QTMAN: variants seen among roughly 807,000 people sequenced by gnomAD.
The protein encoded by QTMAN is queuosine-tRNA mannosyltransferase, also known as tRNA-queuosine alpha-mannosyltransferase.
chr2:143,958,004 A>G, the QTMAN span, among the ~76,000 whole-genome samples: 1 of 152,156 alleles, frequency 6.6e-6, no homozygotes, highest in Non-Finnish European at 1.5e-5. Context: ...ATGAAAATAA[A>G]TGCACCAGTA....
chr2:144,298,293 C>T, the QTMAN span, among the ~76,000 whole-genome samples: 1 of 152,198 alleles, frequency 6.6e-6, no homozygotes, highest in South Asian at 2.1e-4. Context: ...GCTGGATTTA[C>T]AGGCGTGAGC....
the QTMAN span, among the ~76,000 whole-genome samples, chr2:144,098,955 C>A: frequency 1.3e-5 from 2 of 152,054 alleles, no homozygotes; most frequent in East Asian, 3.9e-4. Flanking sequence ...TGCTTGCTCC[C>A]TAATAATATT....
At chr2:144,275,215 TC>T in the QTMAN span, among the ~76,000 whole-genome samples, 2 of 151,938 alleles carry the variant, frequency 1.3e-5, no homozygotes, top group African/African-American at 4.8e-5. Flanking sequence ...AAACCCTGTC[TC>T]TACTAAAAAT....
the QTMAN span, chr2:144,007,561 A>G: frequency 7.0e-7 from 1 of 1,431,562 alleles, no homozygotes. Context: ...AATGCAATAT[A>G]CTTTTAGTGG....
chr2:144,045,596 T>C, the QTMAN span, among the ~76,000 whole-genome samples: 1 of 151,550 alleles, frequency 6.6e-6, no homozygotes. Context: ...AGTTTGGGGG[T>C]TGGGGGAATA....
the QTMAN span, among the ~76,000 whole-genome samples, chr2:144,048,401 T>A: frequency 1.6e-4 from 24 of 152,298 alleles, no homozygotes; most frequent in African/African-American, 5.5e-4. Flanking sequence ...TTTACTGAGA[T>A]CATACTACAA....
At chr2:144,009,774 ACTT>A in the QTMAN span, among the ~76,000 whole-genome samples, 1 of 152,112 alleles carries the variant, frequency 6.6e-6, no homozygotes, top group Non-Finnish European at 1.5e-5. Context: ...GAACCAATCA[ACTT>A]CTTCTGGAAA....
chr2:144,152,907 T>C, the QTMAN span, among the ~76,000 whole-genome samples: 1 of 152,098 alleles, frequency 6.6e-6, no homozygotes, highest in Admixed American at 6.5e-5. Flanking sequence ...CAAAGCAGTG[T>C]GAGATTGATT....
chr2:144,267,797 T>C, the QTMAN span, among the ~76,000 whole-genome samples: 16 of 152,310 alleles, frequency 1.1e-4, 1 homozygote, highest in South Asian at 1.0e-3. Context: ...TTAGCCCTAA[T>C]AGCGATCTAA....
the QTMAN span, among the ~76,000 whole-genome samples, chr2:144,213,207 C>T: frequency 2.0e-5 from 3 of 152,248 alleles, no homozygotes; most frequent in South Asian, 6.2e-4. Context: ...CTTTTTGTCA[C>T]TGTACCTGCA....
chr2:144,234,874 T>A, the QTMAN span, among the ~76,000 whole-genome samples: 1 of 152,138 alleles, frequency 6.6e-6, no homozygotes. Flanking sequence ...GTGAGAACAG[T>A]GGGCAAACTT....
At chr2:144,220,673 T>C in the QTMAN span, among the ~76,000 whole-genome samples, 3 of 152,198 alleles carry the variant, frequency 2.0e-5, no homozygotes, top group African/African-American at 7.2e-5. Flanking sequence ...TAATTCCCCC[T>C]TGCATCTCTC....
the QTMAN span, among the ~76,000 whole-genome samples, chr2:144,250,017 A>C: frequency 6.6e-6 from 1 of 152,182 alleles, no homozygotes; most frequent in African/African-American, 2.4e-5. Flanking sequence ...TCAAGAGGAC[A>C]CAAGAGATCT....
chr2:144,222,954 A>G, the QTMAN span, among the ~76,000 whole-genome samples: 1 of 152,224 alleles, frequency 6.6e-6, no homozygotes, highest in African/African-American at 2.4e-5. Context: ...AACCACTCAG[A>G]TTTGTCCTAT....
At chr2:144,034,290 C>T in the QTMAN span, among the ~76,000 whole-genome samples, 1 of 152,152 alleles carries the variant, frequency 6.6e-6, no homozygotes, top group Non-Finnish European at 1.5e-5. Flanking sequence ...TAATAGCCAC[C>T]ACCAGGAAAG....
the QTMAN span, among the ~76,000 whole-genome samples, chr2:143,973,677 TACAC>T: frequency 2.0e-5 from 3 of 151,408 alleles, no homozygotes; most frequent in Admixed American, 1.3e-4. Context: ...TAGTCCCAGC[TACAC>T]GGGAGGCTGA....
At chr2:143,961,188 T>C in the QTMAN span, among the ~76,000 whole-genome samples, 1 of 152,124 alleles carries the variant, frequency 6.6e-6, no homozygotes, top group Non-Finnish European at 1.5e-5. Context: ...AAAAACTCAC[T>C]AGTTGGATCC....
the QTMAN span, among the ~76,000 whole-genome samples, chr2:144,111,861 A>G: frequency 2.0e-5 from 3 of 152,300 alleles, no homozygotes; most frequent in South Asian, 6.2e-4. Context: ...AAACAATGAA[A>G]TGTTTTCAAA....
chr2:144,206,122 A>C, the QTMAN span, among the ~76,000 whole-genome samples: 3 of 152,224 alleles, frequency 2.0e-5, no homozygotes, highest in Admixed American at 6.5e-5. Context: ...TAATAGCAAC[A>C]ATACATGTTC....
Sources: gnomAD v4.1 joint callset for allele counts (sites outside exome capture counted in the v4.1 genomes callset) on GRCh38, gnomAD v4.1.1 for gene constraint, MANE v1.5 for transcripts, NCBI Gene and HGNC (gene_info 2026-07-23, HGNC 2026-07-21) for gene names.